The following COL23A1 variants were observed in gnomAD, a reference collection of about 807,000 sequenced individuals.
The protein encoded by COL23A1 is collagen type XXIII alpha 1 chain.
A neutral mutation model predicts 99.3 loss-of-function variants in COL23A1; 97 were observed. The ratio of observed to expected loss-of-function variants is 0.98; its 90% CI spans 0.83 to 1.16. The LOEUF is 1.16. Among genes scored for constraint, COL23A1 ranks in the 50% most tolerant of loss-of-function variants. The pLI, the probability that COL23A1 is intolerant of heterozygous loss-of-function variation, is 0.00. For synonymous variants in COL23A1, 320 were observed against 308.2 expected (o/e 1.04, Z -0.40); for missense variants, 762 against 757.4 (o/e 1.01, Z -0.07).
chr5:178,424,008 A>G (rs901051469), intron 2 of COL23A1, among the ~76,000 whole-genome samples: 8 of 152,202 alleles, frequency 5.3e-5, no homozygotes, highest in African/African-American at 1.9e-4. Flanking sequence ...TGGAAGAATT[A>G]AGTGACTTTC....
rs1310762367 is a variant in COL23A1 at position 178,281,807 on chromosome 5, T to G, written c.441+6517A>C. Among the ~76,000 whole-genome samples, 1 of 152,084 alleles carries G rather than the reference T, an allele frequency of 6.6e-6. No individual in the cohort carries two copies. The highest frequency in any genetic ancestry group is 1.5e-5 in the Non-Finnish European group (1 of 68,012). ...GCTCATGCCTGTAATCCTAGCACTTTGGGAGGCCGAGGTGGTCAGATTGCC... is the reference window on the plus strand; with the variant it reads ...GCTCATGCCTGTAATCCTAGCACTTGGGGAGGCCGAGGTGGTCAGATTGCC... On this transcript the variant is annotated intron_variant, in intron 5 of 28. Transcript: ENST00000390654. The surrounding 1 kb of genome is among the most constrained non-coding windows in gnomAD (Gnocchi z 4.0).
chr5:178,502,604 G>C (rs1356194532), intron 2 of COL23A1, among the ~76,000 whole-genome samples: 1 of 152,184 alleles, frequency 6.6e-6, no homozygotes, highest in Non-Finnish European at 1.5e-5. Context: ...ATGAAAGTAA[G>C]AAGTTCATCC....
At chr5:178,518,828 C>T (rs1382938698) in intron 2 of COL23A1, among the ~76,000 whole-genome samples, 1 of 149,024 alleles carries the variant, frequency 6.7e-6, no homozygotes, top group Non-Finnish European at 1.5e-5. Flanking sequence ...GGGGCCCGTC[C>T]GCTCCTCCAG....
intron 2 of COL23A1, among the ~76,000 whole-genome samples, chr5:178,505,684 C>G (rs1562033447): frequency 6.6e-6 from 1 of 152,166 alleles, no homozygotes; most frequent in Non-Finnish European, 1.5e-5. Context: ...GAAGTTAGGA[C>G]TTCAGCATCT....
At chr5:178,547,743 C>CCCCACATACA (rs1554194185) in intron 2 of COL23A1, among the ~76,000 whole-genome samples, 1 of 2,520 alleles carries the variant, frequency 4.0e-4, no homozygotes, top group South Asian at 0.014. Context: ...CCCCACACAC[C>CCCCACATACA]CCCACACCCA....
chr5:178,448,983 TA>T lies in COL23A1; in HGVS notation c.361+111698del, dbSNP rs570120462. Among the ~76,000 whole-genome samples the T allele has an allele frequency of 1.0e-2, 1,513 of 151,450 alleles. 11 individuals are homozygous for T. The highest frequency in any genetic ancestry group is 0.015 in the Non-Finnish European group (993 of 67,892). ...TTTCTTTTTTCTTTTTAAAATAATTTAAAAATATATATAAAATAAAATAATG... is the reference window on the plus strand; with the variant it reads ...TTTCTTTTTTCTTTTTAAAATAATTTAAAATATATATAAAATAAAATAATG... On this transcript the variant is annotated intron_variant, in intron 2 of 28. Transcript: ENST00000390654.
At chr5:178,425,140 G>A (rs1765842108) in intron 2 of COL23A1, among the ~76,000 whole-genome samples, 1 of 152,208 alleles carries the variant, frequency 6.6e-6, no homozygotes, top group South Asian at 2.1e-4. Context: ...GTAAAGGGTT[G>A]CGGCCGGTTT....
At chr5:178,400,522 T>C (rs954991649) in intron 2 of COL23A1, among the ~76,000 whole-genome samples, 30 of 152,190 alleles carry the variant, frequency 2.0e-4, no homozygotes, top group African/African-American at 6.5e-4. Flanking sequence ...TTCTATAGTT[T>C]TCTAAAAATT....
chr5:178,438,873 A>C (rs1766708249), intron 2 of COL23A1: 1 of 152,148 alleles, frequency 6.6e-6, no homozygotes, highest in South Asian at 2.1e-4. Flanking sequence ...GCGCGTTATA[A>C]TCACCCGGGG....
intron 2 of COL23A1, among the ~76,000 whole-genome samples, chr5:178,398,047 G>C (rs936744119): frequency 1.3e-5 from 2 of 152,120 alleles, no homozygotes; most frequent in Non-Finnish European, 2.9e-5. Flanking sequence ...ACACTGCCTG[G>C]GTCTGATGCC....
intron 2 of COL23A1, among the ~76,000 whole-genome samples, chr5:178,375,029 G>A (rs548322641): frequency 2.6e-5 from 4 of 152,278 alleles, no homozygotes; most frequent in African/African-American, 7.2e-5. Context: ...CGAAATCACC[G>A]TCAGCTGATG....
At chr5:178,249,716 A>ACACACACACACACACTCT in intron 18 of COL23A1, among the ~76,000 whole-genome samples, 19 of 92,806 alleles carry the variant, frequency 2.0e-4, no homozygotes, top group African/African-American at 8.1e-4. Context: ...ACACACACAC[A>ACACACACACACACACTCT]CTCTCTCTCT....
intron 25 of COL23A1, among the ~76,000 whole-genome samples, chr5:178,244,737 T>A (rs924471573): frequency 1.3e-5 from 2 of 152,252 alleles, no homozygotes; most frequent in Non-Finnish European, 2.9e-5. Flanking sequence ...CAGTTATGAG[T>A]AATTTTAAGC....
intron 1 of COL23A1, among the ~76,000 whole-genome samples, chr5:178,580,448 C>G (rs1763606475): frequency 6.6e-6 from 1 of 150,670 alleles, no homozygotes; most frequent in South Asian, 2.1e-4. Flanking sequence ...ACGTGACTTT[C>G]AGAGGACATC....
chr5:178,324,491 C>T (rs60822743), intron 2 of COL23A1, among the ~76,000 whole-genome samples: 2,233 of 152,218 alleles, frequency 0.015, 51 homozygotes, highest in African/African-American at 0.051. Flanking sequence ...TGACCACGAC[C>T]GCTGCTGCGT....
At chr5:178,259,774 A>AG in intron 11 of COL23A1, 27 bp from the exon 12 acceptor site, 2 of 1,596,356 alleles carry the variant, frequency 1.3e-6, no homozygotes, top group Non-Finnish European at 1.7e-6. Flanking sequence ...GGGGTTCAAG[A>AG]GCAAGGTCAA....
chr5:178,290,704 C>T (rs1296932046), intron 3 of COL23A1, among the ~76,000 whole-genome samples: 1 of 152,208 alleles, frequency 6.6e-6, no homozygotes, highest in African/African-American at 2.4e-5. Context: ...AGCTCTGGTG[C>T]TCCTGAGGGG....
rs938666378 is a variant in COL23A1, at chr5:178,425,379, G to A, written c.362-118460C>T. ...GGAGGTTGCAGTGAGCCGAGATCGC[G>A]CCACTGCACTCCAGCCTGGGCAACA... On this transcript the variant is annotated intron_variant, in intron 2 of 28. Transcript: ENST00000390654. 5.9e-5 allele frequency among the ~76,000 whole-genome samples: 9 copies of A among 151,594 alleles called. No homozygotes were observed. In the South Asian group the frequency reaches 6.2e-4, roughly 11 times the overall value.
chr5:178,501,164 G>A (rs1247725899), intron 2 of COL23A1, among the ~76,000 whole-genome samples: 2 of 152,184 alleles, frequency 1.3e-5, no homozygotes, highest in Non-Finnish European at 2.9e-5. Context: ...AGGCCAACTA[G>A]GGACCTTGGG....
Sources: gnomAD v4.1 joint callset for allele counts (sites outside exome capture counted in the v4.1 genomes callset) on GRCh38, gnomAD v4.1.1 for gene constraint, Gnocchi (gnomAD v3.1) non-coding constraint, MANE v1.5 for transcripts, NCBI Gene and HGNC (gene_info 2026-07-23, HGNC 2026-07-21) for gene names.